The following DDX4 variants were observed in gnomAD, a reference collection of about 807,000 sequenced individuals.
DDX4 encodes the protein DEAD-box helicase 4, also known as probable ATP-dependent RNA helicase DDX4.
In DDX4, 25 loss-of-function variants were observed where a neutral mutation model predicts 100.0. The ratio of observed to expected loss-of-function variants is 0.25; its 90% CI spans 0.18 to 0.35. The LOEUF is 0.35. Among genes scored for constraint, DDX4 ranks in the 10% least tolerant of loss-of-function variants. The pLI is 1.00. For synonymous variants in DDX4, 259 were observed against 275.7 expected, an observed-to-expected ratio of 0.94 and a Z score of 0.60; for missense variants, 635 against 882.4, an observed-to-expected ratio of 0.72 and a Z score of 3.55.
chr5:55,790,073 A>T (rs747279610), intron 15 of DDX4, among the ~76,000 whole-genome samples: 8 of 151,772 alleles, frequency 5.3e-5, no homozygotes, highest in Non-Finnish European at 1.0e-4. Context: ...TTATCCATGT[A>T]ACGAAATACC....
intron 2 of DDX4, among the ~76,000 whole-genome samples, chr5:55,744,375 G>A (rs1759139792): frequency 1.3e-5 from 2 of 152,084 alleles, no homozygotes; most frequent in African/African-American, 2.4e-5. Context: ...TGATTGTCAT[G>A]TGCAAGAATT....
At chr5:55,813,021 C>CA (rs1744204085) in intron 18 of DDX4, among the ~76,000 whole-genome samples, 1 of 152,010 alleles carries the variant, frequency 6.6e-6, no homozygotes, top group Admixed American at 6.6e-5. Flanking sequence ...TCTTCTCCAA[C>CA]ATTTTATAGG....
At chr5:55,798,599 C>A in intron 18 of DDX4, 28 bp downstream of exon 18, 2 of 1,545,940 alleles carry the variant, frequency 1.3e-6, no homozygotes, top group South Asian at 1.3e-5. Flanking sequence ...ATTTTTTTGT[C>A]ATGATTTTGA....
intron 17 of DDX4, among the ~76,000 whole-genome samples, chr5:55,797,933 C>G (rs1743065357): frequency 6.6e-6 from 1 of 152,146 alleles, no homozygotes; most frequent in Non-Finnish European, 1.5e-5. Context: ...GAGCACTGAC[C>G]TAAGATCTGG....
chr5:55,784,963 G>T (rs959387523), intron 10 of DDX4, among the ~76,000 whole-genome samples: 2 of 152,194 alleles, frequency 1.3e-5, no homozygotes, highest in Non-Finnish European at 2.9e-5. Flanking sequence ...TCTGAGTCTG[G>T]TGAGTCTTCC....
chr5:55,798,661 T>C, intron 18 of DDX4, 90 bp downstream of exon 18: 1 of 1,255,166 alleles, frequency 8.0e-7, no homozygotes. Context: ...TTGGTCTGAC[T>C]TTTCATAAGT....
rs372555445 is a variant in DDX4 at position 55,760,708 on chromosome 5, AAG to A, written c.205+434_205+435del. 3.6e-3 allele frequency among the ~76,000 whole-genome samples: 547 copies of A among 152,264 alleles called. 3 individuals carry two copies. Among genetic ancestry groups the A allele is most frequent in the African/African-American group, 0.012 (517 of 41,552 alleles). On this transcript the variant is annotated intron_variant, in intron 4 of 21. Transcript: ENST00000505374. ...GTTAGCTCATTAGTATTAATTTTTT[AAG>A]AGTTTATTTTGCCATTATTGGATTT...
chr5:55,777,274 A>T (rs1473260770), intron 7 of DDX4, among the ~76,000 whole-genome samples: 4 of 152,180 alleles, frequency 2.6e-5, no homozygotes, highest in African/African-American at 9.7e-5. Flanking sequence ...ATGTATCAGT[A>T]ATCATAATAT....
At position 55,815,300 on chromosome 5, in the gene DDX4, AT is replaced by A. The variant is rs751148030; in HGVS notation, c.1987-5del. ...ATACTTTATGTTGCATATGAAGTCA[AT>A]TTTTTTTAAAGGCTCAACAGGATGT... On this transcript the variant is annotated splice_polypyrimidine_tract_variant and intron_variant, in intron 20 of 21. Transcript: ENST00000505374. 6.2e-6 allele frequency: 10 copies of A among 1,603,632 alleles called. No individual in the cohort carries two copies. Among genetic ancestry groups the A allele is most frequent in the Admixed American group, 1.7e-5 (1 of 57,248 alleles).
chr5:55,751,707 T>C (rs1351252829), intron 3 of DDX4, among the ~76,000 whole-genome samples: 2 of 152,250 alleles, frequency 1.3e-5, no homozygotes, highest in African/African-American at 2.4e-5. Flanking sequence ...TTAGGCTCTT[T>C]CCTGATTTAG....
Position 55,752,317 on chromosome 5 carries a change from A to G in DDX4, c.127+6096A>G, listed in dbSNP as rs1280622754. Among the ~76,000 whole-genome samples the G allele has an allele frequency of 2.7e-3, 367 of 135,880 alleles. 11 individuals are homozygous for G. Among genetic ancestry groups the G allele is most frequent in the South Asian group, 2.9e-3 (11 of 3,786 alleles). The allele number at this position is 135,880 out of a possible 152,430, so 89.1% of individuals were successfully genotyped here. A position where few individuals can be genotyped will look rare whatever the true frequency, so the allele number is the denominator to read the frequency against. On this transcript the variant is annotated intron_variant, in intron 3 of 21. Transcript: ENST00000505374. ...CATCTAGCATTAGGTATATCTCCCA[A>G]TGCTATCCCTCCCCCCTCCCCCCAC...
intron 3 of DDX4, among the ~76,000 whole-genome samples, chr5:55,753,108 C>T (rs1418557810): frequency 7.9e-5 from 12 of 151,892 alleles, no homozygotes; most frequent in African/African-American, 1.2e-4. Flanking sequence ...GAGTAGGTTG[C>T]GAAAATTTTC....
At chr5:55,738,766 G>A (rs1758827781) in intron 1 of DDX4, among the ~76,000 whole-genome samples, 184 bp from the exon 2 acceptor site, 1 of 152,184 alleles carries the variant, frequency 6.6e-6, no homozygotes, top group Non-Finnish European at 1.5e-5. Flanking sequence ...GCTAAGAAAG[G>A]ATGGAGATAA....
chr5:55,752,678 T>G (rs926146170), intron 3 of DDX4, among the ~76,000 whole-genome samples: 1 of 147,364 alleles, frequency 6.8e-6, no homozygotes, highest in Admixed American at 6.9e-5. Context: ...GCATGATTTA[T>G]AGTCCTTTGG....
intron 16 of DDX4, among the ~76,000 whole-genome samples, chr5:55,791,561 G>T (rs1432488261): frequency 6.6e-6 from 1 of 152,118 alleles, no homozygotes; most frequent in African/African-American, 2.4e-5. Context: ...ATTTACTAAG[G>T]ATTTAAAGAG....
intron 3 of DDX4, among the ~76,000 whole-genome samples, chr5:55,752,668 G>C (rs970375909): frequency 6.8e-6 from 1 of 147,338 alleles, no homozygotes; most frequent in Non-Finnish European, 1.5e-5. Context: ...CTTTATAGCA[G>C]CATGATTTAT....
rs528700364 is a variant in DDX4 at position 55,751,048 on chromosome 5, GGA to G, written c.127+4828_127+4829del. Among the ~76,000 whole-genome samples the G allele has an allele frequency of 9.8e-4, 149 of 152,148 alleles. 1 individual carries two copies. The highest frequency in any genetic ancestry group is 3.5e-3 in the African/African-American group (145 of 41,520). ...GACTCGAGTAGAATTACAGGGTTATGGAAAGGAGTAATGTACTTAATTTGTCT... is the reference window on the plus strand; with the variant it reads ...GACTCGAGTAGAATTACAGGGTTATGAAGGAGTAATGTACTTAATTTGTCT... On this transcript the variant is annotated intron_variant, in intron 3 of 21. Coordinates refer to ENST00000505374, the MANE Select transcript of DDX4 (RefSeq NM_024415.3).
At chr5:55,757,252 C>T (rs1026427504) in intron 3 of DDX4, among the ~76,000 whole-genome samples, 27 of 152,136 alleles carry the variant, frequency 1.8e-4, no homozygotes, top group African/African-American at 6.5e-4. Context: ...AGTCTTTTAT[C>T]CCTCACCCCT....
intron 17 of DDX4, among the ~76,000 whole-genome samples, chr5:55,795,766 C>A (rs1742894470): frequency 1.3e-5 from 2 of 152,138 alleles, no homozygotes; most frequent in Admixed American, 1.3e-4. Context: ...CAGACTAAGA[C>A]CCTGTCTCAG....
Sources: gnomAD v4.1 joint callset for allele counts (sites outside exome capture counted in the v4.1 genomes callset) on GRCh38, gnomAD v4.1.1 for gene constraint, MANE v1.5 for transcripts, NCBI Gene and HGNC (gene_info 2026-07-23, HGNC 2026-07-21) for gene names.